Variants in FMN1 observed in about 807,000 individuals in gnomAD.
The protein encoded by FMN1 is formin 1.
Under a neutral mutation model 132.4 loss-of-function variants are expected in FMN1, and 110 were observed. That is an observed-to-expected ratio of 0.83 (90% confidence interval 0.71 to 0.97). The LOEUF (loss-of-function observed/expected upper bound fraction) is 0.97, where lower values mean the gene tolerates loss of function less well. FMN1 is among the 50% of genes least tolerant of loss of function. FMN1 has a pLI of 0.00. For synonymous variants in FMN1, 722 were observed against 651.7 expected (o/e 1.11, Z -1.64); for missense variants, 1,792 against 1,705.3 (o/e 1.05, Z -0.90).
At chr15:32,858,715 A>G (rs2059192756) in intron 16 of FMN1, among the ~76,000 whole-genome samples, 1 of 152,238 alleles carries the variant, frequency 6.6e-6, no homozygotes, top group South Asian at 2.1e-4. Context: ...TCTTACCTTG[A>G]AACAACTAGA....
chr15:32,877,158 G>A (rs923310355), intron 16 of FMN1, among the ~76,000 whole-genome samples: 1 of 152,108 alleles, frequency 6.6e-6, no homozygotes, highest in African/African-American at 2.4e-5. Context: ...ATGCTGGCGG[G>A]TGCCTGTAGT....
chr15:33,119,612 T>C (rs928558495), intron 4 of FMN1, among the ~76,000 whole-genome samples: 1 of 151,722 alleles, frequency 6.6e-6, no homozygotes, highest in Non-Finnish European at 1.5e-5. Flanking sequence ...CTTGCTTTTA[T>C]TTTCTTTCTC....
intron 4 of FMN1, among the ~76,000 whole-genome samples, chr15:33,119,582 CCAG>C (rs1225521382): frequency 3.9e-5 from 6 of 152,188 alleles, no homozygotes; most frequent in African/African-American, 1.4e-4. Flanking sequence ...CTGTAAAAAA[CCAG>C]CACTATTCTT....
intron 10 of FMN1, among the ~76,000 whole-genome samples, chr15:32,924,143 C>G (rs1425287791): frequency 2.6e-5 from 4 of 152,126 alleles, no homozygotes. Context: ...TCTGGAAGAT[C>G]TAACTTGAGA....
At chr15:32,851,930 T>C (rs927803860) in intron 17 of FMN1, among the ~76,000 whole-genome samples, 7 of 152,236 alleles carry the variant, frequency 4.6e-5, no homozygotes, top group Admixed American at 1.3e-4. Context: ...AGACTCCTAA[T>C]AGAGAATTAG....
intron 9 of FMN1, among the ~76,000 whole-genome samples, chr15:32,950,735 G>T (rs2061633045): frequency 6.6e-6 from 1 of 152,084 alleles, no homozygotes; most frequent in Non-Finnish European, 1.5e-5. Context: ...AATAACCAAT[G>T]GGTACTAGGC....
intron 3 of FMN1, among the ~76,000 whole-genome samples, chr15:33,173,797 C>A (rs978642919): frequency 6.6e-6 from 1 of 152,104 alleles, no homozygotes; most frequent in African/African-American, 2.4e-5. Context: ...GGCGTGGTGG[C>A]AGGTGCCTGT....
intron 4 of FMN1, among the ~76,000 whole-genome samples, chr15:33,112,535 T>C (rs1467612241): frequency 1.3e-5 from 2 of 152,170 alleles, no homozygotes; most frequent in Admixed American, 1.3e-4. Context: ...ATTCGGTACC[T>C]GCAGCAAAGA....
At chr15:33,021,500 A>G (rs957096293) in intron 6 of FMN1, among the ~76,000 whole-genome samples, 2 of 152,218 alleles carry the variant, frequency 1.3e-5, no homozygotes, top group African/African-American at 4.8e-5. Context: ...AAAATGGGAG[A>G]CATGAATAGG....
intron 7 of FMN1, among the ~76,000 whole-genome samples, chr15:32,992,547 C>T (rs367588805): frequency 4.3e-4 from 66 of 152,088 alleles, no homozygotes; most frequent in African/African-American, 1.5e-3. Context: ...TCTTAGTTTA[C>T]AAACTTAAGA....
chr15:33,066,694 C>A (rs373784791), intron 5 of FMN1: 16 of 1,613,536 alleles, frequency 9.9e-6, no homozygotes, highest in Non-Finnish European at 1.4e-5. Context: ...CTGTCTCTGG[C>A]GACTTTGGCT....
intron 16 of FMN1, among the ~76,000 whole-genome samples, chr15:32,863,455 T>C (rs1485047187): frequency 6.6e-6 from 1 of 151,960 alleles, no homozygotes; most frequent in Non-Finnish European, 1.5e-5. Flanking sequence ...ATAAATAAAA[T>C]AAAATAAATA....
intron 5 of FMN1, among the ~76,000 whole-genome samples, chr15:33,085,976 G>T (rs989736403): frequency 6.6e-6 from 1 of 152,182 alleles, no homozygotes; most frequent in Non-Finnish European, 1.5e-5. Context: ...AGGAGACCAG[G>T]TGCGGTGGCT....
intron 19 of FMN1, among the ~76,000 whole-genome samples, chr15:32,784,524 G>A (rs534173943): frequency 6.6e-6 from 1 of 152,234 alleles, no homozygotes; most frequent in East Asian, 1.9e-4. Context: ...ATATCTTAGA[G>A]GTAGACAACT....
chr15:32,976,463 T>A lies in FMN1; in HGVS notation c.2224-6986A>T, dbSNP rs568037865. Reference sequence around the variant, plus strand: ...CCAGAGACTTCAATAATCCCTTAGTTAATTGGCTTATACTAGCCACTGTAA... The same window carrying A: ...CCAGAGACTTCAATAATCCCTTAGTAAATTGGCTTATACTAGCCACTGTAA... On this transcript the variant is annotated intron_variant, in intron 7 of 20. Transcript: ENST00000616417. 3.9e-5 allele frequency among the ~76,000 whole-genome samples: 6 copies of A among 152,326 alleles called. No individual in the cohort carries two copies. The South Asian group carries it at 1.2e-3, about 32-fold the overall frequency.
chr15:32,961,483 G>A (rs1272426481), intron 9 of FMN1, among the ~76,000 whole-genome samples: 1 of 152,054 alleles, frequency 6.6e-6, no homozygotes, highest in Non-Finnish European at 1.5e-5. Context: ...AAGACAACCA[G>A]CCCAAGCTCA....
rs1367672482 is a variant in FMN1, at chr15:32,791,356, T to C, written c.4130+7448A>G. Among the ~76,000 whole-genome samples, 17 of 99,230 alleles carry C rather than the reference T, an allele frequency of 1.7e-4. No individual in the cohort carries two copies. In the East Asian group the frequency reaches 5.3e-3, roughly 31 times the overall value. The allele number at this position is 99,230 out of a possible 152,430, so 65.1% of individuals were successfully genotyped here. On this transcript the variant is annotated intron_variant, in intron 19 of 20. Coordinates refer to ENST00000616417, the MANE Select transcript of FMN1 (RefSeq NM_001277313.2). ...TACTCTCTCATGCTTAGCTGTGAAA[T>C]AGCAATAAACCTTTTTTTTTTTTCC... is the stretch of plus-strand genomic sequence containing the variant.
chr15:32,889,152 T>C (rs1037223447), intron 15 of FMN1, among the ~76,000 whole-genome samples: 4 of 152,198 alleles, frequency 2.6e-5, no homozygotes, highest in East Asian at 3.8e-4. Flanking sequence ...TTTGCAAATG[T>C]TGTCTGGCTT....
At chr15:33,067,587 C>T (rs764234194) in intron 5 of FMN1, 8 of 1,613,874 alleles carry the variant, frequency 5.0e-6, no homozygotes, top group East Asian at 2.2e-5. Context: ...TCTGTCTCCA[C>T]GCTTGCAATT....
Sources: gnomAD v4.1 joint callset for allele counts (sites outside exome capture counted in the v4.1 genomes callset) on GRCh38, gnomAD v4.1.1 for gene constraint, MANE v1.5 for transcripts, NCBI Gene and HGNC (gene_info 2026-07-23, HGNC 2026-07-21) for gene names.